Variants in MOXD1 observed in about 807,000 individuals in gnomAD.
The protein encoded by MOXD1 is DBH-like monooxygenase protein 1.
Under a neutral mutation model 66.6 loss-of-function variants are expected in MOXD1, and 62 were observed. That is an observed-to-expected ratio of 0.93 (90% CI 0.76 to 1.15). The LOEUF is 1.15. MOXD1 is among the 50% of genes most tolerant of loss of function. The probability of loss-of-function intolerance (pLI) is 0.00; values close to 1 mark genes in which losing one functional copy is unlikely to be tolerated. For missense variants in MOXD1, 847 were observed against 754.6 expected (o/e 1.12, Z -1.44); for synonymous variants, 303 against 281.9 (o/e 1.07, Z -0.75).
chr6:132,362,667 G>T (rs1335827489), intron 4 of MOXD1, among the ~76,000 whole-genome samples: 1 of 152,168 alleles, frequency 6.6e-6, no homozygotes, highest in South Asian at 2.1e-4. Context: ...GAATCAAACA[G>T]TCCATTACCA....
At chr6:132,304,576 T>C (rs1774644848) in intron 10 of MOXD1, among the ~76,000 whole-genome samples, 1 of 152,198 alleles carries the variant, frequency 6.6e-6, no homozygotes, top group Non-Finnish European at 1.5e-5. Context: ...TTCCTGAGCC[T>C]TGGAAAACTG....
At chr6:132,381,369 C>G (rs577074756) in intron 1 of MOXD1, among the ~76,000 whole-genome samples, 3 of 152,192 alleles carry the variant, frequency 2.0e-5, no homozygotes, top group African/African-American at 7.2e-5. Context: ...TCAAACACAG[C>G]CTTAATGCTG....
chr6:132,334,409 T>C (rs749536859), intron 4 of MOXD1, among the ~76,000 whole-genome samples: 8 of 152,208 alleles, frequency 5.3e-5, no homozygotes, highest in Non-Finnish European at 8.8e-5. Context: ...CATTTTCTCC[T>C]GGAAGGTCAC....
Position 132,297,164 on chromosome 6 carries a change from T to C in MOXD1, c.1831A>G (p.Lys611Glu). The change falls in exon 12 of 12, where the codon AAG becomes GAG. Residue 611 changes from lysine (K) to glutamate (E), a missense_variant. Coordinates refer to ENST00000367963, the MANE Select transcript of MOXD1 (RefSeq NM_015529.4). ...LLLLSCTLSTKSL is the reference protein window; with the variant it reads ...LLLLSCTLSTESL ...CAACAGAATTTTGATCACAAGCTCT[T>C]GGTGCTCAGCGTGCAGCTGAGTAGC... 1 of 1,613,194 alleles carries C rather than the reference T, an allele frequency of 6.2e-7. No individual in the cohort carries two copies. Among genetic ancestry groups the C allele is most frequent in the Non-Finnish European group, 8.5e-7 (1 of 1,179,504 alleles).
intron 4 of MOXD1, among the ~76,000 whole-genome samples, chr6:132,365,098 G>T (rs918473181): frequency 1.3e-5 from 2 of 151,588 alleles, no homozygotes; most frequent in East Asian, 1.9e-4. Context: ...TTAGTTAAGT[G>T]CATGGGAATT....
At chr6:132,369,843 A>C (rs1200497355) in intron 4 of MOXD1, among the ~76,000 whole-genome samples, 2 of 152,078 alleles carry the variant, frequency 1.3e-5, no homozygotes, top group African/African-American at 4.8e-5. Flanking sequence ...TATTTCTGGA[A>C]TCTTCCATTT....
At chr6:132,329,057 T>C (rs1450314333) in intron 4 of MOXD1, among the ~76,000 whole-genome samples, 1 of 152,152 alleles carries the variant, frequency 6.6e-6, no homozygotes, top group Non-Finnish European at 1.5e-5. Flanking sequence ...GTTGGTTTGC[T>C]GCACCCATTA....
At chr6:132,394,504 A>T (rs1776832044) in intron 1 of MOXD1, among the ~76,000 whole-genome samples, 1 of 152,354 alleles carries the variant, frequency 6.6e-6, no homozygotes, top group Admixed American at 6.5e-5. Flanking sequence ...AAAGAATTCA[A>T]AATATTGATT....
At chr6:132,315,497 T>A in intron 10 of MOXD1, 138 bp downstream of exon 10, 1 of 1,002,192 alleles carries the variant, frequency 1.0e-6, no homozygotes, top group South Asian at 1.7e-5. Flanking sequence ...GGTTACTTGG[T>A]CTCCCCAGTT....
intron 4 of MOXD1, among the ~76,000 whole-genome samples, chr6:132,352,709 G>T (rs34608104): frequency 0.23 from 35,421 of 151,960 alleles, 4,635 homozygotes; most frequent in African/African-American, 0.35. Context: ...TTGATGACCT[G>T]TCTAGTGCTG....
intron 10 of MOXD1, among the ~76,000 whole-genome samples, chr6:132,311,401 G>T (rs1447888922): frequency 2.0e-5 from 3 of 151,228 alleles, no homozygotes; most frequent in Non-Finnish European, 2.9e-5. Context: ...TAAAAATCTT[G>T]AAAATATAAT....
rs1364399935 is a variant in MOXD1 at position 132,296,857 on chromosome 6, GGAAA to G, written c.*292_*295del. The G allele has an allele frequency of 9.0e-6, 2 of 222,596 alleles. No homozygotes were observed. The highest frequency in any genetic ancestry group is 2.3e-5 in the African/African-American group (1 of 44,176). The allele number at this position is 222,596 out of a possible 1,614,324, so 13.8% of individuals were successfully genotyped here. ...TATTTAAATAAAACAGAATGTAGTA[GGAAA>G]GAAAGAATTCTTTTATTCCCACATG... On this transcript the variant is annotated 3_prime_UTR_variant, in exon 12 of 12. Coordinates refer to ENST00000367963, the MANE Select transcript of MOXD1 (RefSeq NM_015529.4).
intron 4 of MOXD1, among the ~76,000 whole-genome samples, chr6:132,348,142 C>T (rs1380190918): frequency 6.6e-6 from 1 of 152,190 alleles, no homozygotes; most frequent in Non-Finnish European, 1.5e-5. Context: ...TCTCCTGTTG[C>T]TTTCCAGATA....
chr6:132,398,935 C>CAAAAAA (rs150318811), intron 1 of MOXD1, among the ~76,000 whole-genome samples: 1 of 75,122 alleles, frequency 1.3e-5, no homozygotes, highest in Non-Finnish European at 2.8e-5. Flanking sequence ...GAGACTTTGT[C>CAAAAAA]AAAAAAAAAA....
intron 4 of MOXD1, among the ~76,000 whole-genome samples, chr6:132,372,307 G>A (rs755501408): frequency 4.6e-5 from 7 of 152,034 alleles, no homozygotes; most frequent in Non-Finnish European, 8.8e-5. Flanking sequence ...ATTTTAAATT[G>A]CAATTCCAGT....
chr6:132,384,448 A>T (rs931782059), intron 1 of MOXD1, among the ~76,000 whole-genome samples: 2 of 152,234 alleles, frequency 1.3e-5, no homozygotes, highest in African/African-American at 4.8e-5. Context: ...AATGGAACTT[A>T]TAGTTTAGTT....
At chr6:132,389,355 C>T (rs761007808) in intron 1 of MOXD1, among the ~76,000 whole-genome samples, 1 of 151,522 alleles carries the variant, frequency 6.6e-6, no homozygotes, top group South Asian at 2.1e-4. Flanking sequence ...CAGATGGTCA[C>T]TCTGAATGGC....
chr6:132,326,827 G>T (rs1373588827), intron 6 of MOXD1, among the ~76,000 whole-genome samples: 1 of 152,162 alleles, frequency 6.6e-6, no homozygotes, highest in Non-Finnish European at 1.5e-5. Flanking sequence ...CTCACAAATA[G>T]AATAGCTTGA....
chr6:132,382,018 C>T (rs771844833), intron 1 of MOXD1, among the ~76,000 whole-genome samples: 1 of 152,028 alleles, frequency 6.6e-6, no homozygotes, highest in South Asian at 2.1e-4. Context: ...TCCTATGGTG[C>T]TTTATATTCC....
Sources: gnomAD v4.1 joint callset for allele counts (sites outside exome capture counted in the v4.1 genomes callset) on GRCh38, gnomAD v4.1.1 for gene constraint, MANE v1.5 for transcripts, NCBI Gene and HGNC (gene_info 2026-07-23, HGNC 2026-07-21) for gene names.